Variants in AHNAK observed in about 807,000 individuals in gnomAD.
AHNAK encodes the protein neuroblast differentiation-associated protein AHNAK.
A neutral mutation model predicts 37.8 loss-of-function variants in AHNAK; 23 were observed. The ratio of observed to expected loss-of-function variants is 0.61; its 90% CI spans 0.44 to 0.86. The LOEUF (loss-of-function observed/expected upper bound fraction) is 0.86. Ranked by LOEUF, AHNAK falls within the 40% of genes least tolerant of loss-of-function variation. The pLI, the probability that AHNAK is intolerant of heterozygous loss-of-function variation, is 0.00. For synonymous variants in AHNAK, 2,481 were observed against 2,636.3 expected (o/e 0.94, Z 1.80); for missense variants, 7,411 against 7,319.4 (o/e 1.01, Z -0.46).
At position 62,532,415 on chromosome 11, in the gene AHNAK, C is replaced by T. The variant is rs777876058; in HGVS notation, c.2002G>A (p.Ala668Thr). 14 of 1,614,162 alleles carry T rather than the reference C, an allele frequency of 8.7e-6. No individual in the cohort carries two copies. The highest frequency in any genetic ancestry group is 6.7e-5 in the African/African-American group (5 of 75,030). Reference sequence around the variant, plus strand: ...AGACCCTCCAAGTTGACATCTGGGGCTTCCACATTGACCTTGGGCCCTGAA... The same window carrying T: ...AGACCCTCCAAGTTGACATCTGGGGTTTCCACATTGACCTTGGGCCCTGAA... ...SISGPKVNVE[A>T]PDVNLEGLGG... The change falls in exon 5 of 5, where the codon GCC becomes ACC. Residue 668 changes from alanine (A) to threonine (T), a missense_variant. Transcript: ENST00000378024.
chr11:62,543,424 G>A (rs1374974231), intron 1 of AHNAK, among the ~76,000 whole-genome samples: 2 of 152,200 alleles, frequency 1.3e-5, no homozygotes, highest in Non-Finnish European at 2.9e-5. Flanking sequence ...TCTCTCACAG[G>A]CAATGACACA....
At chr11:62,437,343 C>G (rs1251530376) in intron 5 of AHNAK, among the ~76,000 whole-genome samples, 1 of 152,142 alleles carries the variant, frequency 6.6e-6, no homozygotes, top group Non-Finnish European at 1.5e-5. Flanking sequence ...CATAGGCACT[C>G]AAACCCCTCA....
intron 5 of AHNAK, among the ~76,000 whole-genome samples, chr11:62,450,986 A>C (rs576474782): frequency 1.4e-4 from 22 of 151,798 alleles, no homozygotes; most frequent in African/African-American, 5.3e-4. Flanking sequence ...CGGGAGGAGA[A>C]GAGATGAGAC....
chr11:62,521,982 G>A lies in AHNAK; in HGVS notation c.12435C>T (p.Gly4145=), dbSNP rs138877983. ...CTTTGGGCAGAGAAACGTCCACGTC[G>A]CCCTTCATCTTTGGACCTTTCAGAT... ...DLNLKGPKMK[G]DVDVSLPKVE... is the part of the protein sequence containing the mutation. Residue 4145 remains glycine, a synonymous_variant, in exon 5 of 5, where the codon GGC becomes GGT. Coordinates refer to ENST00000378024, the MANE Select transcript of AHNAK (RefSeq NM_001620.3). 1,304 of 1,611,592 alleles carry A rather than the reference G, an allele frequency of 8.1e-4. 2 individuals are homozygous for A. Among genetic ancestry groups the A allele is most frequent in the Non-Finnish European group, 1.0e-3 (1,223 of 1,179,368 alleles).
chr11:62,514,720 C>T (rs1380819060), downstream of AHNAK, among the ~76,000 whole-genome samples: 1 of 152,172 alleles, frequency 6.6e-6, no homozygotes, highest in African/African-American at 2.4e-5. Flanking sequence ...GTCCAACTCA[C>T]GAAAGAAGCT....
At position 62,521,795 on chromosome 11, in the gene AHNAK, C is replaced by G; in HGVS notation, c.12622G>C (p.Val4208Leu). ...MPGFKGEGPD[V>L]DVNLPKADLD... is the part of the protein sequence containing the mutation. ...TCAGCCTTGGGCAGGTTCACATCCA[C>G]ATCTGGGCCCTCTCCTTTGAAGCCA... The change falls in exon 5 of 5, where the codon GTG (valine) becomes CTG (leucine). Residue 4208 changes from valine to leucine, a missense_variant. Transcript: ENST00000378024. 1 of 1,613,742 alleles carries G rather than the reference C, an allele frequency of 6.2e-7. No individual in the cohort carries two copies. Among genetic ancestry groups the G allele is most frequent in the Non-Finnish European group, 8.5e-7 (1 of 1,179,964 alleles).
In AHNAK at chr11:62,523,438, T is replaced by A; in HGVS notation, c.10979A>T (p.Lys3660Met). Residue 3660 changes from lysine to methionine, a missense_variant, in exon 5 of 5, where the codon AAG becomes ATG. Transcript: ENST00000378024. ...GGCTTTGATGTTCATCTCAGGCATC[T>A]TGAACTTGGGGCCCTTCAGCTTTGC... ...PDAKLKGPKF[K>M]MPEMNIKAPK... is the part of the protein sequence containing the mutation. 1 of 1,613,074 alleles carries A rather than the reference T, an allele frequency of 6.2e-7. No individual in the cohort carries two copies. Among genetic ancestry groups the A allele is most frequent in the Non-Finnish European group, 8.5e-7 (1 of 1,179,718 alleles).
rs1490762651 is a variant in AHNAK, at chr11:62,535,101, C to T, written c.244G>A (p.Val82Met). The T allele has an allele frequency of 6.2e-7, 1 of 1,614,068 alleles. No individual in the cohort carries two copies. The highest frequency in any genetic ancestry group is 8.5e-7 in the Non-Finnish European group (1 of 1,179,964). The change falls in exon 4 of 5, where the codon GTG becomes ATG. Residue 82 changes from valine (V) to methionine (M), a missense_variant. Val to Met is a conservative substitution (Grantham distance 21). Transcript: ENST00000378024. ...CCCTTGCGGTGCAGCTTCAGGCCCA[C>T]CGTGTGGTGCCCCATGGTGTTCAGC... ...QLLNTMGHHT[V>M]GLKLHRKGDR...
At chr11:62,463,273 A>AGGATGCT (rs1221974126) in intron 5 of AHNAK, among the ~76,000 whole-genome samples, 1 of 152,180 alleles carries the variant, frequency 6.6e-6, no homozygotes, top group Non-Finnish European at 1.5e-5. Context: ...TGATTATAAC[A>AGGATGCT]GGATGCTGGC....
At chr11:62,511,881 C>T (rs1264002034), downstream of AHNAK, among the ~76,000 whole-genome samples, 2 of 152,122 alleles carry the variant, frequency 1.3e-5, no homozygotes, top group African/African-American at 2.4e-5. Flanking sequence ...TGGAGTCTTG[C>T]TCTGTCACCC....
intron 5 of AHNAK, among the ~76,000 whole-genome samples, chr11:62,435,573 C>T (rs1462386350): frequency 6.6e-6 from 1 of 152,096 alleles, no homozygotes; most frequent in Non-Finnish European, 1.5e-5. Context: ...TCACCTCGCC[C>T]GGCTAATTTT....
chr11:62,546,271 T>C (rs1011103508), intron 1 of AHNAK, among the ~76,000 whole-genome samples: 2 of 151,646 alleles, frequency 1.3e-5, no homozygotes, highest in African/African-American at 2.4e-5. Flanking sequence ...TCCCCTCCAG[T>C]AAACATGGGA....
chr11:62,495,434 T>C (rs1450577912), intron 4 of AHNAK, among the ~76,000 whole-genome samples: 1 of 152,078 alleles, frequency 6.6e-6, no homozygotes, highest in African/African-American at 2.4e-5. Flanking sequence ...TAGAGTGCTT[T>C]AGAAATAACA....
rs771566746 is a variant in AHNAK at position 62,516,716 on chromosome 11, T to C, written c.*28A>G. 1.3e-6 allele frequency: 2 copies of C among 1,564,882 alleles called. No individual in the cohort carries two copies. Among genetic ancestry groups the C allele is most frequent in the Admixed American group, 2.0e-5 (1 of 50,372 alleles). On this transcript the variant is annotated 3_prime_UTR_variant, in exon 5 of 5. Transcript: ENST00000378024. ...CAAGGCTGATGTTTTGTTATATATATATATATGTACACACATACAAAGGCC... is the reference window on the plus strand; with the variant it reads ...CAAGGCTGATGTTTTGTTATATATACATATATGTACACACATACAAAGGCC...
At chr11:62,546,224 G>A (rs1045680272) in intron 1 of AHNAK, among the ~76,000 whole-genome samples, 4 of 152,090 alleles carry the variant, frequency 2.6e-5, no homozygotes, top group African/African-American at 9.7e-5. Context: ...GCGGAGGCGC[G>A]GAGGCGCTGG....
In AHNAK at chr11:62,521,517, G is replaced by A. The variant is rs529841298; in HGVS notation, c.12900C>T (p.Ile4300=). ...EVDIKGPKVD[I]DAPDVDVHGP... ...CATGAACATCTACATCAGGGGCATC[G>A]ATGTCCACTTTGGGGCCCTTGATGT... Residue 4300 remains isoleucine, a synonymous_variant, in exon 5 of 5, where the codon ATC becomes ATT. Transcript: ENST00000378024. The A allele has an allele frequency of 1.3e-4, 204 of 1,606,722 alleles. 1 individual carries two copies. The African/African-American group carries it at 1.3e-3, about 10-fold the overall frequency.
chr11:62,470,574 C>T (rs920410797), intron 5 of AHNAK, among the ~76,000 whole-genome samples: 6 of 152,250 alleles, frequency 3.9e-5, no homozygotes, highest in Non-Finnish European at 8.8e-5. Context: ...CCACTGCACT[C>T]CAGCCTGGGC....
rs777982069 is a variant in AHNAK, at chr11:62,531,830, C to A, written c.2587G>T (p.Val863Phe). The A allele has an allele frequency of 6.2e-7, 1 of 1,613,696 alleles. No individual in the cohort carries two copies. Among genetic ancestry groups the A allele is most frequent in the Non-Finnish European group, 8.5e-7 (1 of 1,179,972 alleles). The change falls in exon 5 of 5, where the codon GTC becomes TTC. Residue 863 changes from valine (V) to phenylalanine (F), a missense_variant. Val to Phe is a conservative substitution (Grantham distance 50). Transcript: ENST00000378024. ...ELKSAKMDID[V>F]PDVEVQGPDW... Reference sequence around the variant, plus strand: ...GGGCCTTGAACCTCCACATCTGGGACATCAATGTCCATTTTGGCACTTTTA... The same window carrying A: ...GGGCCTTGAACCTCCACATCTGGGAAATCAATGTCCATTTTGGCACTTTTA...
intron 5 of AHNAK, among the ~76,000 whole-genome samples, chr11:62,488,546 C>T (rs998387322): frequency 2.0e-5 from 3 of 151,522 alleles, no homozygotes; most frequent in Admixed American, 6.6e-5. Context: ...GGATTACAGG[C>T]GCCCACCATG....
Sources: allele counts gnomAD v4.1 joint callset (sites outside exome capture counted in the v4.1 genomes callset), GRCh38; gene constraint gnomAD v4.1.1; transcripts MANE v1.5; gene names NCBI Gene and HGNC (gene_info 2026-07-23, HGNC 2026-07-21).